Variants in GALNT17 observed in about 807,000 individuals in gnomAD.
The protein encoded by GALNT17 is polypeptide N-acetylgalactosaminyltransferase 17.
Under a neutral mutation model 63.7 loss-of-function variants are expected in GALNT17, and 29 were observed. The ratio of observed to expected loss-of-function variants is 0.46; its 90% CI spans 0.34 to 0.62. GALNT17 has a LOEUF of 0.62. GALNT17 is among the 20% of genes least tolerant of loss of function. The pLI is 0.01. For missense variants in GALNT17, 603 were observed against 799.6 expected, an observed-to-expected ratio of 0.75 and a Z score of 2.97; for synonymous variants, 305 against 318.3, an observed-to-expected ratio of 0.96 and a Z score of 0.45.
intron 2 of GALNT17, among the ~76,000 whole-genome samples, chr7:71,375,219 A>T (rs1310437985): frequency 6.6e-6 from 1 of 152,194 alleles, no homozygotes; most frequent in African/African-American, 2.4e-5. Flanking sequence ...GAAGAAACAG[A>T]AGTGTTTCAG....
intron 5 of GALNT17, among the ~76,000 whole-genome samples, chr7:71,538,830 G>C (rs113691155): frequency 3.0e-4 from 46 of 151,854 alleles, no homozygotes; most frequent in African/African-American, 1.1e-3. Flanking sequence ...ACGGACAGTT[G>C]GACGGAGGGA....
rs533585776 is a variant in GALNT17, at chr7:71,279,648, C to T, written c.239-55902C>T. Reference sequence around the variant, plus strand: ...TAGGTGGACATGTGCTTTGAAGGGACACCATGCAACCACTGCAAACTCTGT... The same window carrying T: ...TAGGTGGACATGTGCTTTGAAGGGATACCATGCAACCACTGCAAACTCTGT... On this transcript the variant is annotated intron_variant, in intron 1 of 10. Coordinates refer to ENST00000333538, the MANE Select transcript of GALNT17 (RefSeq NM_022479.3). Among the ~76,000 whole-genome samples the T allele has an allele frequency of 4.0e-4, 60 of 151,858 alleles. 1 individual carries two copies. The highest frequency in any genetic ancestry group is 1.4e-3 in the African/African-American group (59 of 41,424).
chr7:71,590,231 TA>T (rs1274782659), intron 6 of GALNT17, among the ~76,000 whole-genome samples: 14 of 152,170 alleles, frequency 9.2e-5, no homozygotes, highest in African/African-American at 3.1e-4. Flanking sequence ...GTATTTCTAT[TA>T]AGGGGAGATA....
At chr7:71,357,037 C>T (rs145164604) in intron 2 of GALNT17, among the ~76,000 whole-genome samples, 5 of 152,250 alleles carry the variant, frequency 3.3e-5, no homozygotes, top group East Asian at 1.9e-4. Flanking sequence ...CCACCCTCCT[C>T]GGCCTCCCAA....
Position 71,415,893 on chromosome 7 carries a change from G to A in GALNT17, c.594G>A (p.Glu198=). The part of the protein sequence containing the change: ...ILVDDNSDEE[E]LKVPLEEYVH... ...TTGCATTTTTGTCATTTGCAGAGGAGCTGAAGGTCCCCCTAGAGGAGTATG... is the reference window on the plus strand; with the variant it reads ...TTGCATTTTTGTCATTTGCAGAGGAACTGAAGGTCCCCCTAGAGGAGTATG... The change falls in exon 4 of 11, where the codon GAG becomes GAA. Residue 198 remains glutamate (E), a synonymous_variant. Coordinates refer to ENST00000333538, the MANE Select transcript of GALNT17 (RefSeq NM_022479.3). 1 of 1,585,568 alleles carries A rather than the reference G, an allele frequency of 6.3e-7. No individual in the cohort carries two copies. Among genetic ancestry groups the A allele is most frequent in the South Asian group, 1.2e-5 (1 of 85,506 alleles).
intron 6 of GALNT17, among the ~76,000 whole-genome samples, chr7:71,643,597 A>G (rs988776877): frequency 6.6e-5 from 10 of 152,226 alleles, no homozygotes; most frequent in African/African-American, 2.4e-4. Flanking sequence ...ATTGTGGCTA[A>G]GGTGGCTTTC....
chr7:71,373,456 G>A (rs1424463372), intron 2 of GALNT17, among the ~76,000 whole-genome samples: 4 of 152,068 alleles, frequency 2.6e-5, no homozygotes, highest in East Asian at 1.9e-4. Context: ...TCTCTATACC[G>A]GGGGTCCCCA....
intron 1 of GALNT17, among the ~76,000 whole-genome samples, chr7:71,186,539 C>T (rs1788854401): frequency 6.6e-6 from 1 of 152,196 alleles, no homozygotes; most frequent in African/African-American, 2.4e-5. Flanking sequence ...ACATTTCAGG[C>T]TTGGACTTAG....
intron 1 of GALNT17, among the ~76,000 whole-genome samples, chr7:71,161,124 C>T (rs1479871478): frequency 6.6e-6 from 1 of 152,132 alleles, no homozygotes; most frequent in East Asian, 1.9e-4. Flanking sequence ...TACACTTGGC[C>T]TTAAAGGACT....
intron 1 of GALNT17, among the ~76,000 whole-genome samples, chr7:71,133,948 T>C (rs1364574967): frequency 6.6e-6 from 1 of 152,226 alleles, no homozygotes; most frequent in Non-Finnish European, 1.5e-5. Flanking sequence ...ACTCATGTTC[T>C]CAAACGAACT....
intron 5 of GALNT17, among the ~76,000 whole-genome samples, chr7:71,557,038 C>T (rs1294964385): frequency 1.3e-5 from 2 of 151,302 alleles, no homozygotes; most frequent in African/African-American, 2.4e-5. Flanking sequence ...AGGTGCACAC[C>T]ACCAAACCCA....
Position 71,660,075 on chromosome 7 carries a change from A to T in GALNT17, c.1081-5336A>T, listed in dbSNP as rs78807261. Reference sequence around the variant, plus strand: ...CTAGATTATCCACTTCATGACAGCAAGGACCTTGTCTACTAGCACCTCTCA... The same window carrying T: ...CTAGATTATCCACTTCATGACAGCATGGACCTTGTCTACTAGCACCTCTCA... On this transcript the variant is annotated intron_variant, in intron 6 of 10. Transcript: ENST00000333538. Among the ~76,000 whole-genome samples, 775 of 152,298 alleles carry T rather than the reference A, an allele frequency of 5.1e-3. 15 individuals carry two copies. Among genetic ancestry groups the T allele is most frequent in the African/African-American group, 0.018 (743 of 41,570 alleles).
chr7:71,132,619 C>T lies in GALNT17; in HGVS notation c.-184C>T, dbSNP rs1302862235. ...ACTTCCATGTGAGCGATTCCGTTCT[C>T]CCCACCACCAATCCGACCTCCCAGC... On this transcript the variant is annotated 5_prime_UTR_variant, in exon 1 of 11. Coordinates refer to ENST00000333538, the MANE Select transcript of GALNT17 (RefSeq NM_022479.3). 1.4e-5 allele frequency: 8 copies of T among 581,304 alleles called. No homozygotes were observed. In the East Asian group the frequency reaches 1.5e-4, roughly 11 times the overall value. The allele number at this position is 581,304 out of a possible 1,614,324, so 36.0% of individuals were successfully genotyped here.
At chr7:71,398,176 A>G (rs75496365) in intron 3 of GALNT17, among the ~76,000 whole-genome samples, 16,579 of 151,936 alleles carry the variant, frequency 0.11, 943 homozygotes, top group East Asian at 0.19. Flanking sequence ...CCATTTTTGG[A>G]AATTTCTTGG....
chr7:71,593,928 C>G (rs1172713331), intron 6 of GALNT17, among the ~76,000 whole-genome samples: 1 of 152,114 alleles, frequency 6.6e-6, no homozygotes, highest in African/African-American at 2.4e-5. Flanking sequence ...GATTCCAGCT[C>G]TCCTACAAGA....
At chr7:71,214,612 T>C (rs1337306848) in intron 1 of GALNT17, among the ~76,000 whole-genome samples, 1 of 151,096 alleles carries the variant, frequency 6.6e-6, no homozygotes, top group African/African-American at 2.4e-5. Context: ...TGTCTCACTC[T>C]TGTTGCCCAG....
intron 6 of GALNT17, among the ~76,000 whole-genome samples, chr7:71,612,863 G>T (rs148689417): frequency 6.6e-6 from 1 of 152,100 alleles, no homozygotes; most frequent in Non-Finnish European, 1.5e-5. Context: ...TTCGGTTTTC[G>T]GTTTGCCAGT....
chr7:71,550,771 T>G (rs1321957354), intron 5 of GALNT17, among the ~76,000 whole-genome samples: 1 of 152,184 alleles, frequency 6.6e-6, no homozygotes, highest in Non-Finnish European at 1.5e-5. Context: ...ATATCCCAAT[T>G]GATATAAATT....
At chr7:71,252,705 A>G (rs1435074943) in intron 1 of GALNT17, among the ~76,000 whole-genome samples, 1 of 152,128 alleles carries the variant, frequency 6.6e-6, no homozygotes, top group South Asian at 2.1e-4. Flanking sequence ...GGAAAATACA[A>G]CCTTGGAGCC....
Sources: gnomAD v4.1 joint callset for allele counts (sites outside exome capture counted in the v4.1 genomes callset) on GRCh38, gnomAD v4.1.1 for gene constraint, MANE v1.5 for transcripts, NCBI Gene and HGNC (gene_info 2026-07-23, HGNC 2026-07-21) for gene names.